The following NAV3 variants were observed in gnomAD, a reference collection of about 807,000 sequenced individuals.
The protein encoded by NAV3 is pore membrane and/or filament interacting like protein 1.
Under a neutral mutation model 244.7 loss-of-function variants are expected in NAV3, and 87 were observed. That is an observed-to-expected ratio of 0.36 (90% confidence interval 0.30 to 0.42). The LOEUF (loss-of-function observed/expected upper bound fraction) is 0.42. Among genes scored for constraint, NAV3 ranks in the 20% least tolerant of loss-of-function variants. The pLI, the probability that NAV3 is intolerant of heterozygous loss-of-function variation, is 1.00. For missense variants in NAV3, 2,663 were observed against 2,893.3 expected (o/e 0.92, Z 1.83); for synonymous variants, 1,126 against 1,042.2 (o/e 1.08, Z -1.55).
intron 2 of NAV3, among the ~76,000 whole-genome samples, chr12:77,789,824 A>G: frequency 6.7e-6 from 1 of 148,560 alleles, no homozygotes; most frequent in African/African-American, 2.5e-5. Flanking sequence ...AAGAAAAAAA[A>G]AAAAAAAAAA....
At chr12:78,017,543 A>G (rs1265233955) in intron 8 of NAV3, among the ~76,000 whole-genome samples, 1 of 152,158 alleles carries the variant, frequency 6.6e-6, no homozygotes, top group Non-Finnish European at 1.5e-5. Context: ...GCACAGTAAG[A>G]TTGTCTACAT....
intron 2 of NAV3, among the ~76,000 whole-genome samples, chr12:77,734,339 T>C (rs190685990): frequency 1.0e-3 from 152 of 152,168 alleles, no homozygotes; most frequent in African/African-American, 3.4e-3. Context: ...ATGACAACTG[T>C]GAAGCTGAAA....
chr12:78,197,303 A>G lies in NAV3; in HGVS notation c.6348A>G (p.Gly2116=). 2 of 1,609,026 alleles carry G rather than the reference A, an allele frequency of 1.2e-6. No homozygotes were observed. The highest frequency in any genetic ancestry group is 1.7e-6 in the Non-Finnish European group (2 of 1,176,984). ...AACAGTGCAGTGCTGATAATAATGGAGTGGAGCTCCCAGTTGTAATAATTC... is the reference window on the plus strand; with the variant it reads ...AACAGTGCAGTGCTGATAATAATGGGGTGGAGCTCCCAGTTGTAATAATTC... ...LAEQCSADNN[G]VELPVVIILD... The change falls in exon 35 of 40, where the codon GGA becomes GGG. Residue 2116 remains glycine, a synonymous_variant. Coordinates refer to ENST00000397909, the MANE Select transcript of NAV3 (RefSeq NM_001024383.2).
intron 1 of NAV3, among the ~76,000 whole-genome samples, chr12:77,930,010 A>C (rs187364070): frequency 1.1e-4 from 16 of 152,184 alleles, no homozygotes; most frequent in African/African-American, 3.9e-4. Context: ...ATAAAATAAC[A>C]TGTAAAGTTC....
At chr12:78,015,799 G>A (rs1381565276) in intron 8 of NAV3, among the ~76,000 whole-genome samples, 1 of 152,044 alleles carries the variant, frequency 6.6e-6, no homozygotes, top group Non-Finnish European at 1.5e-5. Flanking sequence ...TGCAAAAAAT[G>A]TCAATAATTA....
chr12:77,631,144 C>A (rs547400236), intron 2 of NAV3, among the ~76,000 whole-genome samples: 5 of 152,130 alleles, frequency 3.3e-5, no homozygotes, highest in Non-Finnish European at 7.4e-5. Context: ...TTTGGAAATA[C>A]ATTTTTGATG....
chr12:77,749,596 G>T (rs1868735098), intron 2 of NAV3, among the ~76,000 whole-genome samples: 1 of 152,024 alleles, frequency 6.6e-6, no homozygotes, highest in South Asian at 2.1e-4. Flanking sequence ...AATATTTTTT[G>T]AAAAGGTTCA....
At position 78,051,213 on chromosome 12, in the gene NAV3, C is replaced by G. The variant is rs182436045; in HGVS notation, c.2516+66C>G. On this transcript the variant is annotated intron_variant, in intron 11 of 39. Coordinates refer to ENST00000397909, the MANE Select transcript of NAV3 (RefSeq NM_001024383.2). Reference sequence around the variant, plus strand: ...GAGGTGGTCTACTATAATGCATTCACTATAAACAAATGTGTAAGTTTGCCC... The same window carrying G: ...GAGGTGGTCTACTATAATGCATTCAGTATAAACAAATGTGTAAGTTTGCCC... 814 of 1,510,048 alleles carry G rather than the reference C, an allele frequency of 5.4e-4. 5 individuals carry two copies. The African/African-American group carries it at 9.4e-3, about 17-fold the overall frequency. The allele number at this position is 1,510,048 out of a possible 1,614,324, so 93.5% of individuals were successfully genotyped here.
chr12:77,683,416 C>T (rs901263368), intron 2 of NAV3, among the ~76,000 whole-genome samples: 1 of 151,860 alleles, frequency 6.6e-6, no homozygotes, highest in Admixed American at 6.6e-5. Flanking sequence ...ATTACTCAAG[C>T]TCTGTAGTAG....
chr12:78,079,223 G>A (rs1953222772), intron 12 of NAV3, among the ~76,000 whole-genome samples: 2 of 152,098 alleles, frequency 1.3e-5, no homozygotes, highest in Non-Finnish European at 2.9e-5. Flanking sequence ...GAATTCTAAA[G>A]ATGTCTTTTT....
chr12:78,134,099 G>A (rs1187312815), intron 18 of NAV3, among the ~76,000 whole-genome samples: 21 of 150,662 alleles, frequency 1.4e-4, no homozygotes, highest in African/African-American at 4.4e-4. Flanking sequence ...CTCTAAATTC[G>A]ATGGATCCTT....
At chr12:77,989,958 T>A (rs1476042890) in intron 5 of NAV3, among the ~76,000 whole-genome samples, 1 of 152,208 alleles carries the variant, frequency 6.6e-6, no homozygotes, top group Non-Finnish European at 1.5e-5. Flanking sequence ...TTTTTTAAAA[T>A]GAGTATCCAA....
intron 1 of NAV3, among the ~76,000 whole-genome samples, chr12:77,886,809 ATAT>A (rs1343961002): frequency 6.6e-6 from 1 of 152,158 alleles, no homozygotes; most frequent in Non-Finnish European, 1.5e-5. Flanking sequence ...ATAAGCTATA[ATAT>A]TGTGGTTCCA....
intron 28 of NAV3, among the ~76,000 whole-genome samples, chr12:78,178,532 TA>T (rs1364712596): frequency 6.6e-6 from 1 of 152,064 alleles, no homozygotes. Flanking sequence ...AAATTGTGGA[TA>T]AACTATAATT....
chr12:77,667,290 G>A (rs949131576), intron 2 of NAV3, among the ~76,000 whole-genome samples: 4 of 152,222 alleles, frequency 2.6e-5, no homozygotes, highest in Admixed American at 1.3e-4. Flanking sequence ...GATTGCTGCC[G>A]CAGGCTCCCT....
At chr12:77,829,986 A>G (rs934301469), upstream of NAV3, among the ~76,000 whole-genome samples, 16 of 152,128 alleles carry the variant, frequency 1.1e-4, no homozygotes, top group Non-Finnish European at 1.5e-4. Context: ...CATTATTACT[A>G]ATTTTTATAT....
chr12:77,802,438 T>C (rs1351994784), intron 2 of NAV3, among the ~76,000 whole-genome samples: 1 of 152,200 alleles, frequency 6.6e-6, no homozygotes, highest in Non-Finnish European at 1.5e-5. Flanking sequence ...TGGTTTACAT[T>C]TGTAGCTTAA....
rs1449037982 is a variant in NAV3, at chr12:77,763,596, G to A, written c.73-176723G>A. On this transcript the variant is annotated intron_variant, in intron 2 of 8. Transcript: ENST00000550042. ...TCTGAACTCATCCTCTGTCCAACCT[G>A]AATGAACATCAGTCAAAATTAATTA... is the stretch of plus-strand genomic sequence containing the variant. Among the ~76,000 whole-genome samples, 6 of 152,322 alleles carry A rather than the reference G, an allele frequency of 3.9e-5. No individual in the cohort carries two copies. In the South Asian group the frequency reaches 1.0e-3, roughly 26 times the overall value.
intron 1 of NAV3, among the ~76,000 whole-genome samples, chr12:77,906,966 A>G (rs1299428930): frequency 6.6e-6 from 1 of 152,118 alleles, no homozygotes; most frequent in Non-Finnish European, 1.5e-5. Flanking sequence ...ATTTGCCACC[A>G]TCCTGGTCTA....
Sources: allele counts gnomAD v4.1 joint callset (sites outside exome capture counted in the v4.1 genomes callset), GRCh38; gene constraint gnomAD v4.1.1; transcripts MANE v1.5; gene names NCBI Gene and HGNC (gene_info 2026-07-23, HGNC 2026-07-21).